Variants in CLEC7A observed in about 807,000 individuals in gnomAD.
CLEC7A encodes the protein C-type lectin domain containing 7A.
CLEC7A carries 25 observed loss-of-function variants against 26.9 expected under a neutral mutation model. That is an observed-to-expected ratio of 0.93 (90% confidence interval 0.68 to 1.30). CLEC7A has a LOEUF of 1.30. Among genes scored for constraint, CLEC7A ranks in the 50% most tolerant of loss-of-function variants. The pLI is 0.00. For synonymous variants in CLEC7A, 100 were observed against 99.5 expected (o/e 1.01, Z -0.03); for missense variants, 275 against 286.7 (o/e 0.96, Z 0.29).
At chr12:10,126,888 A>T in intron 2 of CLEC7A, 180 bp from the exon 3 acceptor site, 1 of 689,304 alleles carries the variant, frequency 1.5e-6, no homozygotes, top group Non-Finnish European at 2.2e-6. Flanking sequence ...GAAAAGAAAT[A>T]CATAACTTTT....
chr12:10,126,877 TGAAAA>T, intron 2 of CLEC7A, 169 bp from the exon 3 acceptor site: 1 of 613,590 alleles, frequency 1.6e-6, no homozygotes, highest in Non-Finnish European at 2.5e-6. Flanking sequence ...ATAGAATAGA[TGAAAA>T]GAAATACATA....
At chr12:10,125,902 G>A (rs1177911019) in intron 3 of CLEC7A, among the ~76,000 whole-genome samples, 1 of 152,090 alleles carries the variant, frequency 6.6e-6, no homozygotes, top group African/African-American at 2.4e-5. Context: ...CACTATCTCT[G>A]TTATATATTA....
At chr12:10,126,928 G>T in intron 2 of CLEC7A, 8 of 549,348 alleles carry the variant, frequency 1.5e-5, no homozygotes, top group South Asian at 3.5e-5. Context: ...AAAAAAAAAA[G>T]AAAAGAAAAA....
chr12:10,127,987 G>A, intron 1 of CLEC7A, 142 bp from the exon 2 acceptor site: 1 of 618,408 alleles, frequency 1.6e-6, no homozygotes, highest in Non-Finnish European at 2.9e-6. Context: ...GAGGTAGGAG[G>A]ATTGCTTGAG....
intron 5 of CLEC7A, 104 bp from the exon 6 acceptor site, chr12:10,118,694 A>T: frequency 1.0e-6 from 1 of 980,180 alleles, no homozygotes; most frequent in Non-Finnish European, 1.5e-6. Flanking sequence ...AAGAGTTCTG[A>T]AGTGTTTCTA....
Position 10,130,095 on chromosome 12 carries a change from C to A in CLEC7A, c.-13G>T. On this transcript the variant is annotated 5_prime_UTR_variant, in exon 1 of 6. Transcript: ENST00000304084. The stretch of plus-strand genomic sequence containing the variant: ...GATGATATTCCATTGTTCTTGAGAG[C>A]CCCTGAATAGATATAGCATTTGGGA... 7.6e-7 allele frequency: 1 copy of A among 1,310,580 alleles called. No individual in the cohort carries two copies. The highest frequency in any genetic ancestry group is 1.2e-5 in the South Asian group (1 of 84,064). 81.2% of individuals were successfully genotyped at this position (1,310,580 alleles called of 1,614,324 possible).
chr12:10,118,740 G>C lies in CLEC7A; in HGVS notation c.612-150C>G, dbSNP rs1401361960. 8 of 615,986 alleles carry C rather than the reference G, an allele frequency of 1.3e-5. No individual in the cohort carries two copies. In the East Asian group the frequency reaches 2.7e-4, roughly 21 times the overall value. 38.2% of individuals were successfully genotyped at this position (615,986 alleles called of 1,614,324 possible). A position where few individuals can be genotyped will look rare whatever the true frequency, so the allele number is the denominator to read the frequency against. On this transcript the variant is annotated intron_variant, in intron 5 of 5. Transcript: ENST00000304084. ...AGGAGGCTTAAATCTAAATTGTTGTGAATCTCAAGTGGTTAAATGAATAGT... is the reference window on the plus strand; with the variant it reads ...AGGAGGCTTAAATCTAAATTGTTGTCAATCTCAAGTGGTTAAATGAATAGT...
intron 2 of CLEC7A, 23 bp from the exon 3 acceptor site, chr12:10,126,731 T>A (rs1283485877): frequency 1.9e-6 from 3 of 1,573,638 alleles, no homozygotes; most frequent in Admixed American, 1.8e-5. Flanking sequence ...ACAATAATAA[T>A]AGTGACAGAA....
At chr12:10,128,243 CACA>C (rs778984473) in intron 1 of CLEC7A, among the ~76,000 whole-genome samples, 19,508 of 127,418 alleles carry the variant, frequency 0.15, 1,517 homozygotes, top group Non-Finnish European at 0.2. Context: ...CACACACACA[CACA>C]CCACCAACAA....
intron 4 of CLEC7A, among the ~76,000 whole-genome samples, chr12:10,123,894 CA>C (rs1948187856): frequency 6.6e-6 from 1 of 152,022 alleles, no homozygotes; most frequent in South Asian, 2.1e-4. Context: ...TTTAATTTTC[CA>C]AAAGAATAGA....
chr12:10,118,407 C>G lies in CLEC7A; in HGVS notation c.*51G>C, dbSNP rs779630018. The stretch of plus-strand genomic sequence containing the variant: ...CTGTTACTCTTTTCTGTTCTGTTTT[C>G]TGTCCTCCTTACTACCTCACATATT... On this transcript the variant is annotated 3_prime_UTR_variant, in exon 6 of 6. Coordinates refer to ENST00000304084, the MANE Select transcript of CLEC7A (RefSeq NM_197947.3). 6.5e-7 allele frequency: 1 copy of G among 1,533,300 alleles called. No homozygotes were observed. Among genetic ancestry groups the G allele is most frequent in the Non-Finnish European group, 9.0e-7 (1 of 1,113,606 alleles). The allele number at this position is 1,533,300 out of a possible 1,614,324, so 95.0% of individuals were successfully genotyped here.
intron 2 of CLEC7A, 169 bp from the exon 3 acceptor site, chr12:10,126,877 T>C: frequency 3.3e-6 from 2 of 613,590 alleles, no homozygotes; most frequent in Non-Finnish European, 2.5e-6. Context: ...ATAGAATAGA[T>C]GAAAAGAAAT....
chr12:10,123,369 A>G lies in CLEC7A; in HGVS notation c.493-6T>C. 7.3e-7 allele frequency: 1 copy of G among 1,368,128 alleles called. No individual in the cohort carries two copies. The highest frequency in any genetic ancestry group is 1.2e-5 in the South Asian group (1 of 86,122). 84.7% of individuals were successfully genotyped at this position (1,368,128 alleles called of 1,614,324 possible). On this transcript the variant is annotated splice_polypyrimidine_tract_variant and splice_region_variant and intron_variant, in intron 4 of 5. Transcript: ENST00000304084. ...ACTTGTTTTACTATAAATCCCTGTA[A>G]TGAAACATATACAAATATATAATAA...
At chr12:10,127,539 T>G in intron 2 of CLEC7A, 1 of 1,246,874 alleles carries the variant, frequency 8.0e-7, no homozygotes. Flanking sequence ...CTAACTAGCT[T>G]ATAACCCTGG....
chr12:10,125,679 C>G (rs1948257907), intron 3 of CLEC7A, among the ~76,000 whole-genome samples: 1 of 152,134 alleles, frequency 6.6e-6, no homozygotes, highest in Admixed American at 6.5e-5. Context: ...TTTTAGGCAG[C>G]CAACCATCCT....
intron 4 of CLEC7A, 47 bp from the exon 5 acceptor site, chr12:10,123,410 G>C (rs1565622012): frequency 1.3e-5 from 14 of 1,085,676 alleles, no homozygotes; most frequent in Non-Finnish European, 2.0e-5. Context: ...GAGAGAGAGA[G>C]AGAAAGAAAC....
At chr12:10,128,298 A>G (rs1040796955) in intron 1 of CLEC7A, among the ~76,000 whole-genome samples, 1 of 151,888 alleles carries the variant, frequency 6.6e-6, no homozygotes, top group Non-Finnish European at 1.5e-5. Flanking sequence ...TGAATTATTA[A>G]TCACTGCCTA....
At chr12:10,129,315 A>G (rs942800426) in intron 1 of CLEC7A, among the ~76,000 whole-genome samples, 1 of 152,212 alleles carries the variant, frequency 6.6e-6, no homozygotes, top group Non-Finnish European at 1.5e-5. Context: ...TAGCCTTTCT[A>G]TCAAACAAGC....
In CLEC7A at chr12:10,127,744, CACCCATGGT is replaced by C. The variant is rs1164392769; in HGVS notation, c.196_202+2del. 8 of 1,570,584 alleles carry C rather than the reference CACCCATGGT, an allele frequency of 5.1e-6. 1 individual carries two copies. The Middle Eastern group carries it at 5.0e-4, about 98-fold the overall frequency. On this transcript the variant is annotated splice_donor_variant and coding_sequence_variant, in exon 2 of 6. Coordinates refer to ENST00000304084, the MANE Select transcript of CLEC7A (RefSeq NM_197947.3). LOFTEE classifies it high-confidence loss of function. ...TTGTTAATCTCCTCCACCAAATACT[CACCCATGGT>C]ACCCAGGACCACAGCTATCACCAGT...
Sources: allele counts gnomAD v4.1 joint callset (sites outside exome capture counted in the v4.1 genomes callset), GRCh38; gene constraint gnomAD v4.1.1; transcripts MANE v1.5; gene names NCBI Gene and HGNC (gene_info 2026-07-23, HGNC 2026-07-21).